The following ABL1 variants were observed in gnomAD, a reference collection of about 807,000 sequenced individuals.
ABL1 encodes the protein tyrosine-protein kinase ABL1.
ABL1 carries 11 observed loss-of-function variants against 94.7 expected under a neutral mutation model. That is an observed-to-expected ratio of 0.12 (90% CI 0.07 to 0.19). The LOEUF is 0.19. Among genes scored for constraint, ABL1 ranks in the 10% least tolerant of loss-of-function variants. ABL1 has a pLI of 1.00. For missense variants in ABL1, 1,082 were observed against 1,489.4 expected (o/e 0.73, Z 4.50); for synonymous variants, 656 against 622.4 (o/e 1.05, Z -0.80).
intron 1 of ABL1, among the ~76,000 whole-genome samples, chr9:130,727,807 C>G (rs988590088): frequency 6.6e-5 from 9 of 136,750 alleles, no homozygotes; most frequent in African/African-American, 2.6e-4. Context: ...TGAACAAGAA[C>G]AAGAGAACTA....
At chr9:130,719,345 A>G (rs1422791158) in intron 1 of ABL1, among the ~76,000 whole-genome samples, 1 of 152,116 alleles carries the variant, frequency 6.6e-6, no homozygotes, top group Non-Finnish European at 1.5e-5. Flanking sequence ...CTTGACCAAG[A>G]AGGTAAAACC....
intron 1 of ABL1, among the ~76,000 whole-genome samples, chr9:130,766,708 G>A (rs761313177): frequency 6.6e-6 from 1 of 152,088 alleles, no homozygotes; most frequent in Non-Finnish European, 1.5e-5. Context: ...ACAGTCACAA[G>A]TGCCTAGAAT....
intron 1 of ABL1, among the ~76,000 whole-genome samples, chr9:130,720,152 G>A (rs2132673199): frequency 6.6e-6 from 1 of 152,294 alleles, no homozygotes; most frequent in South Asian, 2.1e-4. Context: ...TGATATATTT[G>A]TAAACAAAAC....
intron 1 of ABL1, among the ~76,000 whole-genome samples, chr9:130,763,417 A>G (rs1039473192): frequency 5.3e-5 from 8 of 152,108 alleles, no homozygotes; most frequent in Admixed American, 3.9e-4. Context: ...GTTGGGCTAT[A>G]ATATTAAAAA....
chr9:130,835,584 G>T lies in ABL1; in HGVS notation c.79+59G>T. Reference sequence around the variant, plus strand: ...CCGCGCGCCCTCCCGCTGCTGCTGGGCCCTTCCTAGGCCTCGCCGCCCGCG... The same window carrying T: ...CCGCGCGCCCTCCCGCTGCTGCTGGTCCCTTCCTAGGCCTCGCCGCCCGCG... On this transcript the variant is annotated intron_variant, in intron 1 of 10. Transcript: ENST00000318560. This position sits in a 1 kb window ranked among gnomAD's most constrained non-coding sequence, Gnocchi z 4.6. 1 of 1,467,934 alleles carries T rather than the reference G, an allele frequency of 6.8e-7. No individual in the cohort carries two copies. Among genetic ancestry groups the T allele is most frequent in the Non-Finnish European group, 9.3e-7 (1 of 1,076,266 alleles). 90.9% of individuals were successfully genotyped at this position (1,467,934 alleles called of 1,614,324 possible). A position where few individuals can be genotyped will look rare whatever the true frequency, so the allele number is the denominator to read the frequency against.
At chr9:130,727,680 C>T (rs1029649522) in intron 1 of ABL1, among the ~76,000 whole-genome samples, 4 of 148,866 alleles carry the variant, frequency 2.7e-5, no homozygotes, top group African/African-American at 7.6e-5. Flanking sequence ...CCCTTGAACC[C>T]GGGGTACAGA....
At chr9:130,842,625 G>A (rs895534098) in intron 1 of ABL1, among the ~76,000 whole-genome samples, 1 of 152,234 alleles carries the variant, frequency 6.6e-6, no homozygotes, top group African/African-American at 2.4e-5. Context: ...GAAATTGCCT[G>A]TCATTGGGTA....
At chr9:130,847,987 G>A (rs142956142) in intron 1 of ABL1, among the ~76,000 whole-genome samples, 138 of 152,240 alleles carry the variant, frequency 9.1e-4, no homozygotes, top group African/African-American at 3.0e-3. Flanking sequence ...ATCCAGATGC[G>A]GCAGAATGTT....
chr9:130,773,274 G>A (rs764207315), intron 1 of ABL1, among the ~76,000 whole-genome samples: 6 of 152,040 alleles, frequency 3.9e-5, no homozygotes, highest in Non-Finnish European at 7.4e-5. Flanking sequence ...AGCTGAGATC[G>A]TGCCATTGCA....
At chr9:130,724,749 A>G in intron 1 of ABL1, 2 of 171,652 alleles carry the variant, frequency 1.2e-5, no homozygotes, top group Non-Finnish European at 2.6e-5. Context: ...CCTGTCTTTA[A>G]AAAAAAAAAA....
Position 130,854,901 on chromosome 9 carries a change from A to G in ABL1, c.354A>G (p.Pro118=). 2 of 1,614,238 alleles carry G rather than the reference A, an allele frequency of 1.2e-6. No homozygotes were observed. Among genetic ancestry groups the G allele is most frequent in the Middle Eastern group, 1.6e-4 (1 of 6,062 alleles). ...QGWVPSNYIT[P]VNSLEKHSWY... is the part of the protein sequence containing the mutation. ...GGGTCCCAAGCAACTACATCACGCC[A>G]GTCAACAGTCTGGAGAAACACTCCT... The change falls in exon 3 of 11, where the codon CCA becomes CCG. Residue 118 remains proline, a synonymous_variant. Transcript: ENST00000318560.
At chr9:130,735,445 C>G (rs972165995) in intron 1 of ABL1, among the ~76,000 whole-genome samples, 2 of 151,648 alleles carry the variant, frequency 1.3e-5, no homozygotes, top group Non-Finnish European at 2.9e-5. Flanking sequence ...CCTTTTCCTT[C>G]TCCTACTCCT....
intron 3 of ABL1, among the ~76,000 whole-genome samples, chr9:130,857,052 T>C (rs1263838627): frequency 1.3e-5 from 2 of 152,256 alleles, no homozygotes; most frequent in Non-Finnish European, 2.9e-5. Context: ...CCTTACTGTA[T>C]GTAACGCACT....
intron 1 of ABL1, among the ~76,000 whole-genome samples, chr9:130,847,956 C>G (rs1011724857): frequency 7.2e-5 from 11 of 152,216 alleles, no homozygotes; most frequent in African/African-American, 9.6e-5. Context: ...GCCACTTCCC[C>G]GATTATGTAA....
intron 1 of ABL1, among the ~76,000 whole-genome samples, chr9:130,759,177 A>G (rs896107811): frequency 6.6e-6 from 1 of 152,100 alleles, no homozygotes. Context: ...TAACTTCCCA[A>G]TTTGCTTCAA....
At chr9:130,844,043 C>T (rs939090532) in intron 1 of ABL1, among the ~76,000 whole-genome samples, 8 of 152,126 alleles carry the variant, frequency 5.3e-5, no homozygotes, top group Non-Finnish European at 1.0e-4. Context: ...CATCATGATC[C>T]CAGCATTGCC....
intron 1 of ABL1, among the ~76,000 whole-genome samples, chr9:130,848,765 C>T (rs936703320): frequency 1.3e-5 from 2 of 151,780 alleles, no homozygotes; most frequent in African/African-American, 4.8e-5. Flanking sequence ...GGTGAAACCC[C>T]ATCTCTACTA....
intron 1 of ABL1, among the ~76,000 whole-genome samples, chr9:130,783,709 G>A (rs1258244642): frequency 6.6e-6 from 1 of 152,086 alleles, no homozygotes; most frequent in Non-Finnish European, 1.5e-5. Context: ...AGGCTGGAGT[G>A]CAGTGGCGCA....
intron 1 of ABL1, among the ~76,000 whole-genome samples, chr9:130,851,277 A>G (rs1161867959): frequency 6.6e-6 from 1 of 152,180 alleles, no homozygotes. Context: ...AGCTTCTTCT[A>G]CACTCTAGGA....
Sources: allele counts gnomAD v4.1 joint callset (sites outside exome capture counted in the v4.1 genomes callset), GRCh38; gene constraint gnomAD v4.1.1; non-coding constraint Gnocchi (gnomAD v3.1); transcripts MANE v1.5; gene names NCBI Gene and HGNC (gene_info 2026-07-23, HGNC 2026-07-21).